Variants in CCDC178 observed in about 807,000 individuals in gnomAD.
CCDC178 encodes the protein coiled-coil domain containing 178.
Under a neutral mutation model 117.4 loss-of-function variants are expected in CCDC178, and 126 were observed. That is an observed-to-expected ratio of 1.07 (90% CI 0.93 to 1.24). CCDC178 has a LOEUF of 1.24. Ranked by LOEUF, CCDC178 falls within the 50% of genes most tolerant of loss-of-function variation. The pLI is 0.00. For missense variants in CCDC178, 1,030 were observed against 986.9 expected, an observed-to-expected ratio of 1.04 and a Z score of -0.59; for synonymous variants, 283 against 313.4, an observed-to-expected ratio of 0.90 and a Z score of 1.02.
chr18:33,091,342 T>TTTTTTTTTTTTTTTTTTTTTG (rs2057461645), intron 21 of CCDC178, among the ~76,000 whole-genome samples: 1 of 117,818 alleles, frequency 8.5e-6, no homozygotes, highest in Non-Finnish European at 1.8e-5. Flanking sequence ...TTTTTTTTTT[T>TTTTTTTTTTTTTTTTTTTTTG]TTTTTTTTTT....
At chr18:33,157,461 T>C (rs2058414593) in intron 20 of CCDC178, among the ~76,000 whole-genome samples, 1 of 152,224 alleles carries the variant, frequency 6.6e-6, no homozygotes, top group Non-Finnish European at 1.5e-5. Context: ...TGAAATAGTT[T>C]GGAATGATAT....
intron 20 of CCDC178, among the ~76,000 whole-genome samples, chr18:33,200,442 C>A (rs1314510187): frequency 2.0e-5 from 3 of 152,082 alleles, no homozygotes; most frequent in Non-Finnish European, 2.9e-5. Context: ...GCTTTGTTAC[C>A]CTTCTGGTCA....
intron 14 of CCDC178, among the ~76,000 whole-genome samples, chr18:33,250,284 A>C (rs1037070881): frequency 2.0e-5 from 3 of 151,764 alleles, no homozygotes; most frequent in Non-Finnish European, 4.4e-5. Flanking sequence ...TTTTTGCAAA[A>C]ATATGTGTAA....
intron 20 of CCDC178, among the ~76,000 whole-genome samples, chr18:33,117,578 G>A (rs944958549): frequency 1.3e-5 from 2 of 152,054 alleles, no homozygotes; most frequent in Non-Finnish European, 2.9e-5. Context: ...CGTGGGGTGG[G>A]GGGAGCGGGG....
intron 12 of CCDC178, among the ~76,000 whole-genome samples, chr18:33,279,267 C>A (rs974207288): frequency 2.0e-5 from 3 of 152,104 alleles, no homozygotes; most frequent in Non-Finnish European, 4.4e-5. Context: ...TCTCAGGATA[C>A]AAAATCAATG....
intron 9 of CCDC178, among the ~76,000 whole-genome samples, chr18:33,337,095 C>A (rs911728656): frequency 4.7e-5 from 7 of 149,962 alleles, no homozygotes; most frequent in African/African-American, 1.5e-4. Context: ...ATGTAGTTTT[C>A]CTTGCAGAGG....
intron 21 of CCDC178, among the ~76,000 whole-genome samples, chr18:33,048,759 G>C (rs1021850621): frequency 6.6e-6 from 1 of 152,068 alleles, no homozygotes; most frequent in African/African-American, 2.4e-5. Context: ...GGAGAAATGT[G>C]CAAAAATAGA....
chr18:33,084,848 C>T (rs763811350), intron 21 of CCDC178, among the ~76,000 whole-genome samples: 8 of 151,700 alleles, frequency 5.3e-5, no homozygotes, highest in Non-Finnish European at 8.8e-5. Flanking sequence ...GGATTAATTT[C>T]TCCAATTCAT....
chr18:33,077,540 A>C (rs1027021081), intron 21 of CCDC178, among the ~76,000 whole-genome samples: 6 of 152,182 alleles, frequency 3.9e-5, no homozygotes, highest in Admixed American at 1.3e-4. Flanking sequence ...TAGCTGGACT[A>C]ATAAAGAAGA....
chr18:33,039,372 C>G (rs756598945), intron 21 of CCDC178, among the ~76,000 whole-genome samples: 1 of 151,944 alleles, frequency 6.6e-6, no homozygotes, highest in Non-Finnish European at 1.5e-5. Context: ...ATAGCTCATG[C>G]CTACAGTGAA....
chr18:33,280,229 C>A (rs1246695857), intron 12 of CCDC178, among the ~76,000 whole-genome samples: 2 of 152,120 alleles, frequency 1.3e-5, no homozygotes, highest in African/African-American at 4.8e-5. Flanking sequence ...TATCCAGAAT[C>A]TACAATGAAC....
chr18:33,033,262 T>C (rs552196730), intron 21 of CCDC178, among the ~76,000 whole-genome samples: 2 of 152,250 alleles, frequency 1.3e-5, no homozygotes, highest in African/African-American at 4.8e-5. Flanking sequence ...TTGGTTTTTG[T>C]AGAGTTCAGG....
intron 21 of CCDC178, among the ~76,000 whole-genome samples, chr18:33,052,384 T>C (rs902199710): frequency 1.3e-5 from 2 of 152,174 alleles, no homozygotes; most frequent in South Asian, 2.1e-4. Context: ...CTCTAGTACA[T>C]AATAGGGTAA....
intron 20 of CCDC178, among the ~76,000 whole-genome samples, chr18:33,118,303 T>C (rs1367405322): frequency 6.6e-6 from 1 of 152,062 alleles, no homozygotes; most frequent in Admixed American, 6.6e-5. Context: ...TAGGATGTGA[T>C]ATCTACTCTA....
At position 33,356,475 on chromosome 18, in the gene CCDC178, C is replaced by A. The variant is rs2063059128; in HGVS notation, c.349-129G>T. 7 of 991,652 alleles carry A rather than the reference C, an allele frequency of 7.1e-6. No individual in the cohort carries two copies. The African/African-American group carries it at 1.0e-4, about 14-fold the overall frequency. 61.4% of individuals were successfully genotyped at this position (991,652 alleles called of 1,614,324 possible). A position where few individuals can be genotyped will look rare whatever the true frequency, so the allele number is the denominator to read the frequency against. ...TTCATTATATTTTTGTGTACTTATACTCTCGGTTGTATAAACCAAAAATAA... is the reference window on the plus strand; with the variant it reads ...TTCATTATATTTTTGTGTACTTATAATCTCGGTTGTATAAACCAAAAATAA... On this transcript the variant is annotated intron_variant, in intron 6 of 22. Coordinates refer to ENST00000383096, the MANE Select transcript of CCDC178 (RefSeq NM_001105528.4).
At chr18:33,080,955 A>G (rs1227142083) in intron 21 of CCDC178, among the ~76,000 whole-genome samples, 1 of 152,176 alleles carries the variant, frequency 6.6e-6, no homozygotes, top group Non-Finnish European at 1.5e-5. Flanking sequence ...AAATATAGAA[A>G]GTAAAAAACT....
intron 11 of CCDC178, among the ~76,000 whole-genome samples, chr18:33,298,418 A>G (rs1048916112): frequency 6.6e-6 from 1 of 152,226 alleles, no homozygotes; most frequent in African/African-American, 2.4e-5. Context: ...ATGTGATAAA[A>G]TTAAACATTT....
chr18:33,112,176 GT>G (rs1018883034), intron 20 of CCDC178, among the ~76,000 whole-genome samples: 64 of 151,614 alleles, frequency 4.2e-4, no homozygotes, highest in Non-Finnish European at 7.1e-4. Flanking sequence ...AAAAATCATA[GT>G]TTTTTATATA....
At chr18:33,034,320 T>C (rs752692705) in intron 21 of CCDC178, among the ~76,000 whole-genome samples, 2 of 152,010 alleles carry the variant, frequency 1.3e-5, no homozygotes, top group Admixed American at 6.6e-5. Context: ...GTCTACACAA[T>C]TGCCTCAAAG....
Sources: allele counts gnomAD v4.1 joint callset (sites outside exome capture counted in the v4.1 genomes callset), GRCh38; gene constraint gnomAD v4.1.1; transcripts MANE v1.5; gene names NCBI Gene and HGNC (gene_info 2026-07-23, HGNC 2026-07-21).